CSMD2: variants seen among roughly 807,000 people sequenced by gnomAD.
CSMD2 encodes the protein CUB and sushi domain-containing protein 2.
A neutral mutation model predicts 398.5 loss-of-function variants in CSMD2; 130 were observed. That is an observed-to-expected ratio of 0.33 (90% CI 0.28 to 0.38). The LOEUF (loss-of-function observed/expected upper bound fraction) is 0.38, where lower values mean the gene tolerates loss of function less well. CSMD2 is among the 10% of genes least tolerant of loss of function. The pLI, the probability that CSMD2 is intolerant of heterozygous loss-of-function variation, is 1.00. For synonymous variants in CSMD2, 1,828 were observed against 1,908.5 expected (o/e 0.96, Z 1.10); for missense variants, 3,829 against 4,764.9 (o/e 0.80, Z 5.78).
At chr1:33,536,806 C>T (rs910847815) in intron 62 of CSMD2, among the ~76,000 whole-genome samples, 3 of 152,226 alleles carry the variant, frequency 2.0e-5, no homozygotes, top group African/African-American at 4.8e-5. Flanking sequence ...TCTGTCCTTC[C>T]TCATCAGTTT....
At chr1:33,543,913 T>C (rs1656603647) in intron 57 of CSMD2, among the ~76,000 whole-genome samples, 1 of 152,170 alleles carries the variant, frequency 6.6e-6, no homozygotes, top group South Asian at 2.1e-4. Flanking sequence ...TTAAGAATCA[T>C]TTTGAACTCA....
intron 13 of CSMD2, among the ~76,000 whole-genome samples, chr1:33,764,241 G>A (rs1234970764): frequency 6.6e-6 from 1 of 152,096 alleles, no homozygotes; most frequent in Non-Finnish European, 1.5e-5. Flanking sequence ...TTCATCCAGG[G>A]TCAGCTCTTT....
chr1:33,725,308 C>A, intron 17 of CSMD2, 41 bp downstream of exon 17: 1 of 1,575,610 alleles, frequency 6.3e-7, no homozygotes, highest in Admixed American at 1.7e-5. Context: ...CCCACCTGGG[C>A]TGACCTTGTC....
chr1:33,650,061 G>A (rs948940491), intron 28 of CSMD2, among the ~76,000 whole-genome samples: 21 of 152,124 alleles, frequency 1.4e-4, no homozygotes, highest in Non-Finnish European at 1.9e-4. Context: ...GAAAGTCACC[G>A]GCGAAGGGTT....
chr1:33,572,099 C>T (rs572172026), intron 50 of CSMD2, among the ~76,000 whole-genome samples: 9 of 151,984 alleles, frequency 5.9e-5, no homozygotes, highest in Admixed American at 4.6e-4. Flanking sequence ...TATAAAGCAC[C>T]GTGTAGGCCA....
At chr1:33,534,040 C>T in intron 62 of CSMD2, 133 bp from the exon 63 acceptor site, 1 of 611,360 alleles carries the variant, frequency 1.6e-6, no homozygotes, top group Non-Finnish European at 2.9e-6. Flanking sequence ...GATTCTCCGC[C>T]TGGTTAAATT....
At chr1:33,851,539 C>T (rs552029388) in intron 5 of CSMD2, among the ~76,000 whole-genome samples, 1 of 152,312 alleles carries the variant, frequency 6.6e-6, no homozygotes, top group South Asian at 2.1e-4. Context: ...CTGCTTTCCT[C>T]CCTGATGAAT....
chr1:34,070,210 A>G (rs972012113), intron 2 of CSMD2, among the ~76,000 whole-genome samples: 7 of 152,208 alleles, frequency 4.6e-5, no homozygotes, highest in African/African-American at 1.7e-4. Context: ...AGTGGAGAAA[A>G]GACAGCCATT....
intron 67 of CSMD2, 104 bp from the exon 68 acceptor site, chr1:33,521,654 T>A: frequency 1.3e-6 from 1 of 790,754 alleles, no homozygotes; most frequent in East Asian, 2.5e-5. Context: ...ACTGACCTGC[T>A]GCTCTGACAC....
rs369256044 is a variant in CSMD2, at chr1:33,918,346, C to A, written c.713-45G>T. 2.6e-6 allele frequency: 4 copies of A among 1,536,622 alleles called. No homozygotes were observed. The African/African-American group carries it at 5.4e-5, about 21-fold the overall frequency. ...AGGCTTACATGAGTAGTCTGGTTTT[C>A]AAGCCCTAGCACTCACCATGGGCTA... is the stretch of plus-strand genomic sequence containing the variant. On this transcript the variant is annotated intron_variant, in intron 4 of 70. Coordinates refer to ENST00000373381, the MANE Select transcript of CSMD2 (RefSeq NM_001281956.2).
At chr1:34,067,858 G>A (rs1297432536) in intron 2 of CSMD2, among the ~76,000 whole-genome samples, 1 of 152,094 alleles carries the variant, frequency 6.6e-6, no homozygotes, top group East Asian at 1.9e-4. Flanking sequence ...CTCCCTTCTG[G>A]CTCCCACTTA....
intron 1 of CSMD2, among the ~76,000 whole-genome samples, chr1:34,150,297 T>C (rs902190817): frequency 2.6e-5 from 4 of 151,968 alleles, no homozygotes; most frequent in Admixed American, 6.5e-5. Flanking sequence ...GCTGCCCAGG[T>C]TGGTCTTGAA....
At chr1:33,909,171 C>T (rs1326601498) in intron 5 of CSMD2, among the ~76,000 whole-genome samples, 2 of 152,194 alleles carry the variant, frequency 1.3e-5, no homozygotes, top group African/African-American at 2.4e-5. Flanking sequence ...TTGCTCCTGA[C>T]ATTCAAAGAG....
intron 16 of CSMD2, among the ~76,000 whole-genome samples, 198 bp downstream of exon 16, chr1:33,726,349 C>A (rs971761922): frequency 2.6e-5 from 4 of 152,200 alleles, no homozygotes; most frequent in Admixed American, 6.5e-5. Flanking sequence ...CTGCCATAGT[C>A]CCCTAAACAG....
intron 5 of CSMD2, chr1:33,862,784 G>T (rs146246076): frequency 1.3e-5 from 2 of 152,136 alleles, no homozygotes; most frequent in Non-Finnish European, 2.9e-5. Context: ...GGATGGCTTA[G>T]GTAGGCCAGC....
intron 10 of CSMD2, among the ~76,000 whole-genome samples, chr1:33,797,547 C>T (rs1655095948): frequency 2.6e-5 from 4 of 152,192 alleles, no homozygotes; most frequent in Admixed American, 2.6e-4. Context: ...AGTCAGAGGC[C>T]AGGCTCTTTG....
At chr1:33,580,958 G>C in intron 47 of CSMD2, 59 bp from the exon 48 acceptor site, 1 of 1,582,458 alleles carries the variant, frequency 6.3e-7, no homozygotes, top group Non-Finnish European at 8.6e-7. Flanking sequence ...GAGCCTCCAG[G>C]GAAGACCTCA....
At chr1:33,638,091 T>C (rs1642908888) in intron 29 of CSMD2, among the ~76,000 whole-genome samples, 1 of 152,182 alleles carries the variant, frequency 6.6e-6, no homozygotes, top group Admixed American at 6.5e-5. Flanking sequence ...GGAGCAGCTC[T>C]GGATGCACTA....
intron 22 of CSMD2, among the ~76,000 whole-genome samples, chr1:33,702,272 A>T (rs1188733212): frequency 6.6e-6 from 1 of 152,204 alleles, no homozygotes; most frequent in Non-Finnish European, 1.5e-5. Context: ...TATAAATTTA[A>T]AAAATATTAT....
Sources: gnomAD v4.1 joint callset for allele counts (sites outside exome capture counted in the v4.1 genomes callset) on GRCh38, gnomAD v4.1.1 for gene constraint, MANE v1.5 for transcripts, NCBI Gene and HGNC (gene_info 2026-07-23, HGNC 2026-07-21) for gene names.